BLMH: variants seen among roughly 807,000 people sequenced by gnomAD.
BLMH encodes the protein BLM hydrolase.
In BLMH, 32 loss-of-function variants were observed where a neutral mutation model predicts 61.6. That is an observed-to-expected ratio of 0.52 (90% CI 0.39 to 0.70). BLMH has a LOEUF of 0.70. BLMH is among the 30% of genes least tolerant of loss of function. The pLI, the probability that BLMH is intolerant of heterozygous loss-of-function variation, is 0.00. For missense variants in BLMH, 460 were observed against 555.5 expected, an observed-to-expected ratio of 0.83 and a Z score of 1.73; for synonymous variants, 183 against 193.8, an observed-to-expected ratio of 0.94 and a Z score of 0.46.
intron 11 of BLMH, among the ~76,000 whole-genome samples, chr17:30,265,611 ATCT>A (rs1908080861): frequency 6.6e-6 from 1 of 152,166 alleles, no homozygotes; most frequent in South Asian, 2.1e-4. Flanking sequence ...GTTTCCAAAT[ATCT>A]CTGAATGTCA....
At chr17:30,291,616 T>C in intron 1 of BLMH, 108 bp from the exon 2 acceptor site, 1 of 1,457,952 alleles carries the variant, frequency 6.9e-7, no homozygotes, top group South Asian at 1.3e-5. Flanking sequence ...GGGTGCCCGC[T>C]GCAGCGGGGA....
intron 3 of BLMH, among the ~76,000 whole-genome samples, chr17:30,288,454 G>C (rs1480843067): frequency 6.6e-6 from 1 of 152,164 alleles, no homozygotes; most frequent in East Asian, 1.9e-4. Context: ...CTGAGCTCAA[G>C]CAATCCTCCT....
At chr17:30,266,591 G>A (rs1474646918) in intron 11 of BLMH, among the ~76,000 whole-genome samples, 4 of 151,936 alleles carry the variant, frequency 2.6e-5, no homozygotes, top group Non-Finnish European at 5.9e-5. Context: ...AAGTGTCCTG[G>A]CAAGGGCACT....
intron 10 of BLMH, 62 bp from the exon 11 acceptor site, chr17:30,267,016 A>G: frequency 6.6e-7 from 1 of 1,521,400 alleles, no homozygotes. Flanking sequence ...GAGGTGTCAT[A>G]TAATTTTAGC....
At chr17:30,256,350 G>A (rs1476166271) in intron 11 of BLMH, among the ~76,000 whole-genome samples, 2 of 152,030 alleles carry the variant, frequency 1.3e-5, no homozygotes, top group Non-Finnish European at 2.9e-5. Context: ...CTGTTTGGAG[G>A]CAGAGTCTTG....
intron 11 of BLMH, among the ~76,000 whole-genome samples, chr17:30,251,411 A>G (rs931778422): frequency 7.9e-5 from 12 of 152,366 alleles, no homozygotes; most frequent in Middle Eastern, 3.4e-3. Context: ...GACAGAACAC[A>G]GAGCAAACGA....
chr17:30,263,133 C>T (rs1908009054), intron 11 of BLMH, among the ~76,000 whole-genome samples: 1 of 152,166 alleles, frequency 6.6e-6, no homozygotes, highest in African/African-American at 2.4e-5. Context: ...CGACATGCTA[C>T]TAGAACAGGG....
chr17:30,253,053 G>A (rs565666330), intron 11 of BLMH, among the ~76,000 whole-genome samples: 11 of 152,186 alleles, frequency 7.2e-5, no homozygotes, highest in Non-Finnish European at 1.6e-4. Flanking sequence ...CAGCAAGCAG[G>A]AGAGCAGACT....
intron 6 of BLMH, among the ~76,000 whole-genome samples, chr17:30,280,778 T>A (rs990054271): frequency 2.0e-5 from 3 of 152,184 alleles, no homozygotes; most frequent in African/African-American, 7.2e-5. Flanking sequence ...ATGCACAGCC[T>A]ACCCCAACTT....
intron 7 of BLMH, chr17:30,273,394 C>T (rs1368487203): frequency 1.3e-5 from 2 of 158,536 alleles, no homozygotes; most frequent in Non-Finnish European, 2.8e-5. Flanking sequence ...CTCGAACTCC[C>T]GAACTCAGGT....
chr17:30,284,870 T>C (rs1308307257), intron 6 of BLMH, among the ~76,000 whole-genome samples: 1 of 152,256 alleles, frequency 6.6e-6, no homozygotes, highest in Non-Finnish European at 1.5e-5. Context: ...GCACTGTTCA[T>C]ACAATTCCTT....
chr17:30,248,952 C>T lies in BLMH; in HGVS notation c.*65G>A. On this transcript the variant is annotated 3_prime_UTR_variant, in exon 12 of 12. Transcript: ENST00000261714. Reference sequence around the variant, plus strand: ...TCCCTTGCATAACTTTGGCTTCAGTCCCTGGATCTGTCCTTTGCAGCTACG... The same window carrying T: ...TCCCTTGCATAACTTTGGCTTCAGTTCCTGGATCTGTCCTTTGCAGCTACG... The T allele has an allele frequency of 6.3e-7, 1 of 1,586,770 alleles. No homozygotes were observed. Among genetic ancestry groups the T allele is most frequent in the Admixed American group, 1.7e-5 (1 of 58,120 alleles).
At chr17:30,275,998 C>T (rs1165280855) in intron 6 of BLMH, among the ~76,000 whole-genome samples, 2 of 152,068 alleles carry the variant, frequency 1.3e-5, no homozygotes, top group Middle Eastern at 3.2e-3. Context: ...AATACCCTCT[C>T]AAGGTATATT....
intron 11 of BLMH, among the ~76,000 whole-genome samples, chr17:30,258,200 T>C (rs971073697): frequency 4.6e-5 from 7 of 150,892 alleles, no homozygotes; most frequent in Non-Finnish European, 8.9e-5. Context: ...GAAAGATAGA[T>C]AACAGGATGG....
chr17:30,286,281 G>T (rs1174002080), intron 5 of BLMH, among the ~76,000 whole-genome samples: 2 of 152,168 alleles, frequency 1.3e-5, no homozygotes, highest in African/African-American at 4.8e-5. Flanking sequence ...CTCTCCTAGG[G>T]AAAACTGGTT....
Position 30,266,867 on chromosome 17 carries a change from T to C in BLMH, c.1216+18A>G, listed in dbSNP as rs1908126655. The C allele has an allele frequency of 6.2e-7, 1 of 1,611,764 alleles. No homozygotes were observed. On this transcript the variant is annotated intron_variant, in intron 11 of 11. Coordinates refer to ENST00000261714, the MANE Select transcript of BLMH (RefSeq NM_000386.4). The stretch of plus-strand genomic sequence containing the variant: ...CAGGCCCAGTCACCTGGAGTTAGTA[T>C]TACCAAACTGAGCTCACCTTTGTGG...
chr17:30,284,125 T>G (rs1370172533), intron 6 of BLMH, among the ~76,000 whole-genome samples: 1 of 152,222 alleles, frequency 6.6e-6, no homozygotes, highest in Admixed American at 6.5e-5. Flanking sequence ...TTTTTCCTAC[T>G]ATACTAAGAT....
At chr17:30,259,488 T>C (rs1907902080) in intron 11 of BLMH, among the ~76,000 whole-genome samples, 1 of 152,164 alleles carries the variant, frequency 6.6e-6, no homozygotes, top group African/African-American at 2.4e-5. Context: ...TCAGCTTCCA[T>C]GTCTTCCTAT....
intron 4 of BLMH, 52 bp downstream of exon 4, chr17:30,287,754 A>G: frequency 6.2e-7 from 1 of 1,600,090 alleles, no homozygotes; most frequent in South Asian, 1.1e-5. Flanking sequence ...GCCTAACTAC[A>G]GGCTTACTTA....
Sources: gnomAD v4.1 joint callset for allele counts (sites outside exome capture counted in the v4.1 genomes callset) on GRCh38, gnomAD v4.1.1 for gene constraint, MANE v1.5 for transcripts, NCBI Gene and HGNC (gene_info 2026-07-23, HGNC 2026-07-21) for gene names.